Variants in HERC2 observed in about 807,000 individuals in gnomAD.
HERC2 encodes the protein E3 ubiquitin-protein ligase HERC2.
Under a neutral mutation model 537.7 loss-of-function variants are expected in HERC2, and 102 were observed. The observed-to-expected ratio is 0.19, with a 90% CI of 0.16 to 0.22. HERC2 has a LOEUF of 0.22. Among genes scored for constraint, HERC2 ranks in the 10% least tolerant of loss-of-function variants. The pLI, the probability that HERC2 is intolerant of heterozygous loss-of-function variation, is 1.00. For synonymous variants in HERC2, 2,224 were observed against 2,466.2 expected (o/e 0.90, Z 2.91); for missense variants, 4,236 against 6,198.2 (o/e 0.68, Z 10.63).
intron 55 of HERC2, among the ~76,000 whole-genome samples, chr15:28,187,184 A>AACTCCATG (rs1223622892): frequency 6.6e-6 from 1 of 152,182 alleles, no homozygotes; most frequent in Non-Finnish European, 1.5e-5. Flanking sequence ...TAGTACAAAG[A>AACTCCATG]ACTCCATGAC....
At chr15:28,183,242 C>T (rs1210452764) in intron 56 of HERC2, among the ~76,000 whole-genome samples, 1 of 152,144 alleles carries the variant, frequency 6.6e-6, no homozygotes, top group Non-Finnish European at 1.5e-5. Context: ...CAGGGTCATG[C>T]TCTGTCACTC....
chr15:28,315,694 T>C lies in HERC2; in HGVS notation c.72+5668A>G, dbSNP rs1471147589. ...CATTTTCTTGGAAACCTCTGCGCCATGAGAGCCAAGTGGAGGAAGAAGCGA... is the reference window on the plus strand; with the variant it reads ...CATTTTCTTGGAAACCTCTGCGCCACGAGAGCCAAGTGGAGGAAGAAGCGA... On this transcript the variant is annotated intron_variant, in intron 2 of 92. Coordinates refer to ENST00000261609, the MANE Select transcript of HERC2 (RefSeq NM_004667.6). The C allele has an allele frequency of 1.6e-5, 13 of 808,344 alleles. No homozygotes were observed. In the Middle Eastern group the frequency reaches 1.0e-3, roughly 63 times the overall value. 50.1% of individuals were successfully genotyped at this position (808,344 alleles called of 1,614,324 possible). A position where few individuals can be genotyped will look rare whatever the true frequency, so the allele number is the denominator to read the frequency against.
chr15:28,229,764 C>A lies in HERC2; in HGVS notation c.4893G>T (p.Pro1631=). Residue 1631 remains proline, a synonymous_variant, in exon 32 of 93, where the codon CCG becomes CCT. Coordinates refer to ENST00000261609, the MANE Select transcript of HERC2 (RefSeq NM_004667.6). ...CAATTGTACTGAGGAGTGGAGACTGCGGATAAAGACCCTGCACATTCTGCT... is the reference window on the plus strand; with the variant it reads ...CAATTGTACTGAGGAGTGGAGACTGAGGATAAAGACCCTGCACATTCTGCT... The part of the protein sequence containing the change: ...WLKQNVQGLY[P]QSPLLSTIAE... 6.7e-7 allele frequency: 1 copy of A among 1,486,676 alleles called. No homozygotes were observed. The highest frequency in any genetic ancestry group is 9.4e-7 in the Non-Finnish European group (1 of 1,065,692). 92.1% of individuals were successfully genotyped at this position (1,486,676 alleles called of 1,614,324 possible).
At position 28,270,266 on chromosome 15, in the gene HERC2, T is replaced by TAGAC. The variant is rs894150854; in HGVS notation, c.1257+425_1257+428dup. Among the ~76,000 whole-genome samples the TAGAC allele has an allele frequency of 2.4e-4, 36 of 149,420 alleles. 1 individual carries two copies. In the East Asian group the frequency reaches 5.8e-3, roughly 24 times the overall value. On this transcript the variant is annotated intron_variant, in intron 10 of 92. Coordinates refer to ENST00000261609, the MANE Select transcript of HERC2 (RefSeq NM_004667.6). ...ATTTATAGATAGATAGATAGATAGA[T>TAGAC]AGACAGACAGACAGACATGTAATAT...
At chr15:28,193,548 A>G (rs1335846108) in intron 52 of HERC2, among the ~76,000 whole-genome samples, 1 of 152,222 alleles carries the variant, frequency 6.6e-6, no homozygotes, top group Non-Finnish European at 1.5e-5. Flanking sequence ...GAGCAGAGGC[A>G]ACATGTGAAG....
In HERC2 at chr15:28,176,779, A is replaced by G. The variant is rs1002438435; in HGVS notation, c.9433-11T>C. 7 of 1,612,676 alleles carry G rather than the reference A, an allele frequency of 4.3e-6. No individual in the cohort carries two copies. The African/African-American group carries it at 9.3e-5, about 22-fold the overall frequency. Reference sequence around the variant, plus strand: ...GAGAAGGACTTTCACCTACTCAATTACAAATTTAAAAACAGAATCACGCAC... The same window carrying G: ...GAGAAGGACTTTCACCTACTCAATTGCAAATTTAAAAACAGAATCACGCAC... On this transcript the variant is annotated splice_polypyrimidine_tract_variant and intron_variant, in intron 61 of 92. Transcript: ENST00000261609. The surrounding 1 kb of genome is among the most constrained non-coding windows in gnomAD (Gnocchi z 5.0).
In HERC2 at chr15:28,280,200, G is replaced by A. The variant is rs762398671; in HGVS notation, c.410C>T (p.Ala137Val). 3.0e-5 allele frequency: 48 copies of A among 1,614,056 alleles called. No individual in the cohort carries two copies. The highest frequency in any genetic ancestry group is 3.9e-5 in the Non-Finnish European group (46 of 1,180,028). ...AVQSATTTLS[A>V]LRLKQRLVIL... is the part of the protein sequence containing the mutation. ...CACCAGCCTCTGCTTGAGTCGCAGG[G>A]CTGAGAGGGTGGTGGTGGCTGACTG... The change falls in exon 5 of 93, where the codon GCC becomes GTC. Residue 137 changes from alanine (A) to valine (V), a missense_variant. Coordinates refer to ENST00000261609, the MANE Select transcript of HERC2 (RefSeq NM_004667.6).
At chr15:28,295,314 G>C (rs1456801197) in intron 3 of HERC2, among the ~76,000 whole-genome samples, 1 of 137,832 alleles carries the variant, frequency 7.3e-6, no homozygotes, top group Non-Finnish European at 1.6e-5. Flanking sequence ...TGTGTGGGGG[G>C]GGGGGAGTGG....
Position 28,167,810 on chromosome 15 carries a change from G to A in HERC2, c.10431C>T (p.Asp3477=), listed in dbSNP as rs148786700. The change falls in exon 68 of 93, where the codon GAC becomes GAT. Residue 3477 remains aspartate (D), a synonymous_variant. Transcript: ENST00000261609. The part of the protein sequence containing the change: ...QEKREIVSSE[D]AVTPSAVTPS... ...GAGTCACTGCAGAGGGGGTCACTGC[G>A]TCCTCAGAGGAAACAATCTAGTCCA... 1,260 of 1,613,230 alleles carry A rather than the reference G, an allele frequency of 7.8e-4. 9 individuals carry two copies. In the African/African-American group the frequency reaches 0.014, roughly 18 times the overall value.
At chr15:28,239,482 T>C (rs1423154853) in intron 23 of HERC2, among the ~76,000 whole-genome samples, 1 of 149,142 alleles carries the variant, frequency 6.7e-6, no homozygotes, top group African/African-American at 2.5e-5. Context: ...ATGTCCTTCC[T>C]GTACAAATTG....
rs906797868 is a variant in HERC2, at chr15:28,237,262, T to C, written c.3853-149A>G. 9 of 640,212 alleles carry C rather than the reference T, an allele frequency of 1.4e-5. No homozygotes were observed. In the Admixed American group the frequency reaches 2.1e-4, roughly 15 times the overall value. The allele number at this position is 640,212 out of a possible 1,614,324, so 39.7% of individuals were successfully genotyped here. A position where few individuals can be genotyped will look rare whatever the true frequency, so the allele number is the denominator to read the frequency against. ...GCCCCTCCATCCTGTAATGAGTTGA[T>C]GCTGCTGTGCCCAAGTAACAGCAGA... On this transcript the variant is annotated intron_variant, in intron 25 of 92. Coordinates refer to ENST00000261609, the MANE Select transcript of HERC2 (RefSeq NM_004667.6).
At chr15:28,168,361 C>T in intron 67 of HERC2, 46 bp downstream of exon 67, 1 of 1,565,456 alleles carries the variant, frequency 6.4e-7, no homozygotes, top group Non-Finnish European at 8.7e-7. Flanking sequence ...CACAAAGTAG[C>T]CACCTTTTCC....
At chr15:28,172,692 A>C (rs1304068633) in intron 65 of HERC2, among the ~76,000 whole-genome samples, 1 of 152,234 alleles carries the variant, frequency 6.6e-6, no homozygotes, top group East Asian at 1.9e-4. Flanking sequence ...AATCTTTATA[A>C]TCTTGAGGCA....
At chr15:28,290,370 C>T (rs1009858086) in intron 4 of HERC2, among the ~76,000 whole-genome samples, 10 of 151,954 alleles carry the variant, frequency 6.6e-5, no homozygotes, top group African/African-American at 2.4e-4. Context: ...ATCAAGATTA[C>T]AGGCACCCAC....
Position 28,177,050 on chromosome 15 carries a change from C to T in HERC2, c.9332G>A (p.Ser3111Asn), listed in dbSNP as rs1278146858. The change falls in exon 61 of 93, where the codon AGC (serine) becomes AAC (asparagine). Residue 3111 changes from serine (S) to asparagine (N), a missense_variant. Around this residue, in one of 27 missense-constraint regions of HERC2, gnomAD observed 606 missense variants for 884.5 expected, o/e 0.69. Transcript: ENST00000261609. This position sits in a 1 kb window ranked among gnomAD's most constrained non-coding sequence, Gnocchi z 5.0. ...TTCTCCGCTGGATGTGAGGGCTGCG[C>T]TGTGCGAGCTCCCACAGGCGATATC... ...IRDIACGSSH[S>N]AALTSSGELY... 6.2e-7 allele frequency: 1 copy of T among 1,614,176 alleles called. No individual in the cohort carries two copies.
intron 30 of HERC2, among the ~76,000 whole-genome samples, chr15:28,230,938 C>T (rs185917522): frequency 5.8e-4 from 88 of 151,810 alleles, no homozygotes; most frequent in Admixed American, 1.2e-3. Flanking sequence ...TAATATACTT[C>T]TTTTAATTTT....
intron 2 of HERC2, among the ~76,000 whole-genome samples, chr15:28,316,234 A>C (rs1449964358): frequency 1.0e-4 from 15 of 150,696 alleles, no homozygotes; most frequent in African/African-American, 3.7e-4. Flanking sequence ...AAAAAAAAAA[A>C]AAAAAAAAAA....
Position 28,287,921 on chromosome 15 carries a change from T to C in HERC2, c.322+4967A>G, listed in dbSNP as rs2076204743. Among the ~76,000 whole-genome samples the C allele has an allele frequency of 2.0e-5, 3 of 152,124 alleles. No individual in the cohort carries two copies. In the South Asian group the frequency reaches 6.2e-4, roughly 32 times the overall value. On this transcript the variant is annotated intron_variant, in intron 4 of 92. Transcript: ENST00000261609. ...TTGTATCTTTAGTAGAGACGCTGTT[T>C]CACCGTGTTAGCCAGCATGGTCTCG...
intron 2 of HERC2, among the ~76,000 whole-genome samples, chr15:28,314,791 G>A (rs1018567561): frequency 5.9e-5 from 9 of 151,922 alleles, no homozygotes; most frequent in Admixed American, 2.0e-4. Context: ...AACCCAGGAG[G>A]TGGAGGTTGC....
Sources: gnomAD v4.1 joint callset for allele counts (sites outside exome capture counted in the v4.1 genomes callset) on GRCh38, gnomAD v4.1.1 for gene constraint, gnomAD v4.1.1 regional missense constraint, Gnocchi (gnomAD v3.1) non-coding constraint, MANE v1.5 for transcripts, NCBI Gene and HGNC (gene_info 2026-07-23, HGNC 2026-07-21) for gene names.